The following LPP variants were observed in gnomAD, a reference collection of about 807,000 sequenced individuals.
LPP encodes the protein LIM domain containing preferred translocation partner in lipoma.
A neutral mutation model predicts 60.4 loss-of-function variants in LPP; 38 were observed. That is an observed-to-expected ratio of 0.63 (90% CI 0.49 to 0.83). LPP has a LOEUF of 0.83. Among genes scored for constraint, LPP ranks in the 40% least tolerant of loss-of-function variants. LPP has a pLI of 0.00. For missense variants in LPP, 902 were observed against 783.6 expected, an observed-to-expected ratio of 1.15 and a Z score of -1.80; for synonymous variants, 328 against 290.8, an observed-to-expected ratio of 1.13 and a Z score of -1.30.
At chr3:188,420,906 T>TATATATAAA (rs1787615201) in intron 4 of LPP, among the ~76,000 whole-genome samples, 2 of 152,192 alleles carry the variant, frequency 1.3e-5, no homozygotes, top group Non-Finnish European at 2.9e-5. Context: ...TATATGTATA[T>TATATATAAA]ATTTAATTTA....
At chr3:188,305,898 A>C (rs1436805441) in intron 2 of LPP, among the ~76,000 whole-genome samples, 1 of 151,696 alleles carries the variant, frequency 6.6e-6, no homozygotes, top group Non-Finnish European at 1.5e-5. Flanking sequence ...CAATAGTTTA[A>C]TTACACTAAA....
At chr3:188,587,841 T>C (rs6780658) in intron 6 of LPP, among the ~76,000 whole-genome samples, 142,066 of 152,240 alleles carry the variant, frequency 0.93, 66,482 homozygotes, top group Non-Finnish European at 0.97. Context: ...TAGGGAATAA[T>C]TTACCTACTC....
chr3:188,611,972 A>G (rs374379734), intron 7 of LPP, among the ~76,000 whole-genome samples: 14 of 152,370 alleles, frequency 9.2e-5, no homozygotes, highest in African/African-American at 3.4e-4. Context: ...ATGAATTTTT[A>G]TAAACCACTC....
chr3:188,224,064 G>A (rs1716812081), intron 1 of LPP, among the ~76,000 whole-genome samples: 1 of 152,150 alleles, frequency 6.6e-6, no homozygotes, highest in African/African-American at 2.4e-5. Context: ...GGATTTGTAA[G>A]TCCTGGTTTG....
At position 188,756,121 on chromosome 3, in the gene LPP, G is replaced by A. The variant is rs576626780; in HGVS notation, c.1241-3992G>A. Among the ~76,000 whole-genome samples, 11 of 152,310 alleles carry A rather than the reference G, an allele frequency of 7.2e-5. No homozygotes were observed. The South Asian group carries it at 2.1e-3, about 29-fold the overall frequency. ...AGGGTGATTAGGTAGTAGGCATGTGGTGGAAAGCAGGCATTTCTGACACAT... is the reference window on the plus strand; with the variant it reads ...AGGGTGATTAGGTAGTAGGCATGTGATGGAAAGCAGGCATTTCTGACACAT... On this transcript the variant is annotated intron_variant, in intron 8 of 11. Coordinates refer to ENST00000617246, the MANE Select transcript of LPP (RefSeq NM_001375462.1).
rs181549900 is a variant in LPP at position 188,653,233 on chromosome 3, A to G, written c.1113+43389A>G. ...AGCACCTCTCCTAATCTCCCCAAGC[A>G]TCATCTACTGAAAGGGGGCATCACA... is the stretch of plus-strand genomic sequence containing the variant. On this transcript the variant is annotated intron_variant, in intron 7 of 11. Coordinates refer to ENST00000617246, the MANE Select transcript of LPP (RefSeq NM_001375462.1). 7.3e-4 allele frequency among the ~76,000 whole-genome samples: 111 copies of G among 152,362 alleles called. 1 individual carries two copies. The East Asian group carries it at 0.012, about 16-fold the overall frequency.
At chr3:188,854,758 G>C (rs1344460573) in intron 9 of LPP, among the ~76,000 whole-genome samples, 1 of 152,174 alleles carries the variant, frequency 6.6e-6, no homozygotes, top group Non-Finnish European at 1.5e-5. Flanking sequence ...GCCCTTCCAT[G>C]ACCCTAGTTG....
At chr3:188,493,585 T>A (rs2149778855) in intron 5 of LPP, among the ~76,000 whole-genome samples, 1 of 152,070 alleles carries the variant, frequency 6.6e-6, no homozygotes, top group Admixed American at 6.5e-5. Flanking sequence ...TGTACCACCA[T>A]GCCCAGCTAA....
intron 2 of LPP, among the ~76,000 whole-genome samples, chr3:188,235,396 T>C (rs1266700713): frequency 6.6e-6 from 1 of 152,182 alleles, no homozygotes; most frequent in African/African-American, 2.4e-5. Flanking sequence ...ACTGCAGATG[T>C]CTAGGTGGGG....
chr3:188,181,400 A>AT (rs1724964609), intron 1 of LPP, among the ~76,000 whole-genome samples: 1 of 151,592 alleles, frequency 6.6e-6, no homozygotes, highest in Admixed American at 6.6e-5. Context: ...ACCTGCAGTC[A>AT]TTTGCAACAG....
intron 5 of LPP, among the ~76,000 whole-genome samples, chr3:188,503,249 G>C (rs917781465): frequency 4.6e-5 from 7 of 151,936 alleles, no homozygotes; most frequent in Non-Finnish European, 8.8e-5. Flanking sequence ...ACAAAATTCT[G>C]TTCCTTTTTC....
At chr3:188,523,316 T>A (rs987293369) in intron 5 of LPP, among the ~76,000 whole-genome samples, 1 of 152,194 alleles carries the variant, frequency 6.6e-6, no homozygotes, top group Non-Finnish European at 1.5e-5. Flanking sequence ...GATGTTACTG[T>A]GCTTGAGAGA....
At chr3:188,323,341 C>T (rs763721786) in intron 2 of LPP, among the ~76,000 whole-genome samples, 21 of 152,142 alleles carry the variant, frequency 1.4e-4, no homozygotes, top group Non-Finnish European at 3.1e-4. Context: ...GTACCCACTT[C>T]CTGGGCTGGG....
chr3:188,762,135 G>A (rs1163303953), intron 9 of LPP, among the ~76,000 whole-genome samples: 1 of 152,176 alleles, frequency 6.6e-6, no homozygotes, highest in Non-Finnish European at 1.5e-5. Flanking sequence ...TTGTTAGCTT[G>A]AAATCATATA....
intron 7 of LPP, among the ~76,000 whole-genome samples, chr3:188,677,813 G>A (rs969534772): frequency 1.3e-5 from 2 of 152,058 alleles, no homozygotes; most frequent in Non-Finnish European, 2.9e-5. Flanking sequence ...CTAAATGATG[G>A]ATGTGTTTAA....
At chr3:188,213,516 A>G (rs1712143064) in intron 1 of LPP, among the ~76,000 whole-genome samples, 1 of 152,102 alleles carries the variant, frequency 6.6e-6, no homozygotes. Context: ...AGATGTTAGA[A>G]CTGTCCACAC....
At chr3:188,850,159 A>T (rs1174338482) in intron 9 of LPP, among the ~76,000 whole-genome samples, 1 of 152,248 alleles carries the variant, frequency 6.6e-6, no homozygotes, top group Non-Finnish European at 1.5e-5. Context: ...ACACAGATCA[A>T]TATGATGGTA....
At position 188,786,505 on chromosome 3, in the gene LPP, A is replaced by G. The variant is rs551932722; in HGVS notation, c.1410+26223A>G. Among the ~76,000 whole-genome samples, 41 of 152,118 alleles carry G rather than the reference A, an allele frequency of 2.7e-4. 1 individual carries two copies. Among genetic ancestry groups the G allele is most frequent in the Admixed American group, 9.2e-4 (14 of 15,266 alleles). ...ATAAGATGGAACAACCATTCTAGAGAAAGTTTTGGGAATTTCTTCTTTTAA... is the reference window on the plus strand; with the variant it reads ...ATAAGATGGAACAACCATTCTAGAGGAAGTTTTGGGAATTTCTTCTTTTAA... On this transcript the variant is annotated intron_variant, in intron 9 of 11. Transcript: ENST00000617246.
At chr3:188,244,112 C>T (rs35352804) in intron 2 of LPP, among the ~76,000 whole-genome samples, 53,921 of 152,056 alleles carry the variant, frequency 0.35, 10,513 homozygotes, top group Middle Eastern at 0.48. Context: ...CTTAAGATAT[C>T]TGCCTGCCTC....
Sources: allele counts gnomAD v4.1 joint callset (sites outside exome capture counted in the v4.1 genomes callset), GRCh38; gene constraint gnomAD v4.1.1; transcripts MANE v1.5; gene names NCBI Gene and HGNC (gene_info 2026-07-23, HGNC 2026-07-21).